The following MAN2A1 variants were observed in gnomAD, a reference collection of about 807,000 sequenced individuals.
MAN2A1 encodes alpha-mannosidase 2.
MAN2A1 carries 76 observed loss-of-function variants against 142.6 expected under a neutral mutation model. That is an observed-to-expected ratio of 0.53 (90% CI 0.44 to 0.65). The LOEUF (loss-of-function observed/expected upper bound fraction) is 0.65. Ranked by LOEUF, MAN2A1 falls within the 30% of genes least tolerant of loss-of-function variation. The pLI is 0.00. For synonymous variants in MAN2A1, 559 were observed against 473.2 expected (o/e 1.18, Z -2.35); for missense variants, 1,311 against 1,365.1 (o/e 0.96, Z 0.62).
intron 10 of MAN2A1, among the ~76,000 whole-genome samples, chr5:109,785,540 G>T (rs1753575029): frequency 6.6e-6 from 1 of 152,022 alleles, no homozygotes. Context: ...GGGAGTAGAA[G>T]CTAAGTTATT....
Position 109,846,732 on chromosome 5 carries a change from C to A in MAN2A1, c.2842+726C>A, listed in dbSNP as rs113466334. Among the ~76,000 whole-genome samples the A allele has an allele frequency of 6.7e-4, 102 of 152,248 alleles. 1 individual carries two copies. The highest frequency in any genetic ancestry group is 2.3e-3 in the African/African-American group (97 of 41,554). ...TTCCTGGTGTGTCCTTTGACACAAGCCCACTTTTTACATGAGGCGTATACA... is the reference window on the plus strand; with the variant it reads ...TTCCTGGTGTGTCCTTTGACACAAGACCACTTTTTACATGAGGCGTATACA... On this transcript the variant is annotated intron_variant, in intron 18 of 21. Transcript: ENST00000261483.
chr5:109,839,405 G>A (rs888872714), intron 16 of MAN2A1, among the ~76,000 whole-genome samples: 1 of 152,034 alleles, frequency 6.6e-6, no homozygotes, highest in Non-Finnish European at 1.5e-5. Context: ...AATAGTGGTG[G>A]AGATATTTGG....
rs771302522 is a variant in MAN2A1 at position 109,847,754 on chromosome 5, T to G, written c.2940T>G (p.Phe980Leu). 46 of 1,595,098 alleles carry G rather than the reference T, an allele frequency of 2.9e-5. No homozygotes were observed. The Middle Eastern group carries it at 1.2e-3, about 40-fold the overall frequency. The change falls in exon 19 of 22, where the codon TTT (phenylalanine) becomes TTG (leucine). Residue 980 changes from phenylalanine (F) to leucine (L), a missense_variant. Phe to Leu is a conservative substitution (Grantham distance 22). Coordinates refer to ENST00000261483, the MANE Select transcript of MAN2A1 (RefSeq NM_002372.4). The stretch of plus-strand genomic sequence containing the variant: ...ATAACAAGATTACAGCTAATCTATT[T>G]CGAATACTACTAGAAAAAAGAAGTG... ...IQDNKITANL[F>L]RILLEKRSAV...
intron 3 of MAN2A1, among the ~76,000 whole-genome samples, chr5:109,722,760 A>G (rs1751640955): frequency 6.6e-6 from 1 of 152,070 alleles, no homozygotes; most frequent in Non-Finnish European, 1.5e-5. Flanking sequence ...GACTTTGATA[A>G]TTTGCCCAGT....
chr5:109,823,630 AC>A (rs1397744613), intron 15 of MAN2A1, 92 bp from the exon 16 acceptor site: 1 of 675,840 alleles, frequency 1.5e-6, no homozygotes, highest in African/African-American at 1.8e-5. Flanking sequence ...ATCAGGTGAT[AC>A]GTATTTTCTA....
intron 16 of MAN2A1, among the ~76,000 whole-genome samples, chr5:109,833,486 G>A (rs1031280204): frequency 6.6e-5 from 10 of 152,124 alleles, no homozygotes; most frequent in African/African-American, 1.7e-4. Context: ...CGGCCAACAC[G>A]GCAAAACCCC....
intron 17 of MAN2A1, among the ~76,000 whole-genome samples, chr5:109,843,641 G>T (rs1261511202): frequency 1.3e-5 from 2 of 152,144 alleles, no homozygotes; most frequent in Admixed American, 1.3e-4. Context: ...ATATACATAG[G>T]TATATCTATT....
chr5:109,811,573 CGT>C (rs70999943), intron 12 of MAN2A1, among the ~76,000 whole-genome samples: 4,347 of 144,612 alleles, frequency 0.03, 76 homozygotes, highest in African/African-American at 0.05. Context: ...TCCTAACAGC[CGT>C]GTGTGTGTGT....
chr5:109,713,514 T>C lies in MAN2A1; in HGVS notation c.136-6T>C. 2 of 1,586,358 alleles carry C rather than the reference T, an allele frequency of 1.3e-6. No individual in the cohort carries two copies. The highest frequency in any genetic ancestry group is 1.7e-6 in the Non-Finnish European group (2 of 1,165,484). On this transcript the variant is annotated splice_region_variant and splice_polypyrimidine_tract_variant and intron_variant, in intron 1 of 21. Coordinates refer to ENST00000261483, the MANE Select transcript of MAN2A1 (RefSeq NM_002372.4). ...CATATAGCTGCCTTTTTCTTTTTTA[T>C]TGTAGGGCCAGCTCTCAATGTTGCA...
At chr5:109,772,556 C>T (rs1753177558) in intron 7 of MAN2A1, among the ~76,000 whole-genome samples, 1 of 152,130 alleles carries the variant, frequency 6.6e-6, no homozygotes. Context: ...GTCACCCAGG[C>T]TGAAGTACAA....
chr5:109,708,556 A>T (rs1330802603), intron 1 of MAN2A1, among the ~76,000 whole-genome samples: 2 of 141,074 alleles, frequency 1.4e-5, no homozygotes, highest in South Asian at 2.2e-4. Context: ...ATGAGAAGGG[A>T]GTTATTAGGA....
At chr5:109,698,842 G>A (rs1750890604) in intron 1 of MAN2A1, among the ~76,000 whole-genome samples, 1 of 152,048 alleles carries the variant, frequency 6.6e-6, no homozygotes, top group African/African-American at 2.4e-5. Context: ...GGTACACATT[G>A]ACAATAGAAT....
At chr5:109,736,073 A>G (rs1752088962) in intron 4 of MAN2A1, among the ~76,000 whole-genome samples, 1 of 152,080 alleles carries the variant, frequency 6.6e-6, no homozygotes, top group African/African-American at 2.4e-5. Context: ...CAGTTACTCA[A>G]GACAAACTAG....
At position 109,841,675 on chromosome 5, in the gene MAN2A1, TACATAACAAAGGACAAA is replaced by T. The variant is rs1378078999; in HGVS notation, c.2567-651_2567-635del. 2.6e-5 allele frequency among the ~76,000 whole-genome samples: 4 copies of T among 152,332 alleles called. No individual in the cohort carries two copies. In the East Asian group the frequency reaches 7.7e-4, roughly 29 times the overall value. On this transcript the variant is annotated intron_variant, in intron 16 of 21. Transcript: ENST00000261483. ...GACTTTTTAAAGCTGTCCTCTGTTT[TACATAACAAAGGACAAA>T]ATGGATCATTTCATAACAAGGAGTC...
chr5:109,836,445 G>A (rs544079991), intron 16 of MAN2A1, among the ~76,000 whole-genome samples: 1 of 152,266 alleles, frequency 6.6e-6, no homozygotes, highest in Admixed American at 6.5e-5. Flanking sequence ...CCCACACGAG[G>A]GAGCACGCTT....
At chr5:109,748,993 T>G (rs181871153) in intron 4 of MAN2A1, among the ~76,000 whole-genome samples, 46 of 152,014 alleles carry the variant, frequency 3.0e-4, no homozygotes, top group Non-Finnish European at 5.0e-4. Context: ...GTTGATTCAT[T>G]GGGAGCTTCT....
chr5:109,782,864 G>A (rs568158374), intron 9 of MAN2A1, among the ~76,000 whole-genome samples: 6 of 152,006 alleles, frequency 3.9e-5, no homozygotes, highest in South Asian at 2.1e-4. Flanking sequence ...TAATCAAATC[G>A]TAATTTGTAT....
At chr5:109,771,696 G>T (rs1391675318) in intron 7 of MAN2A1, among the ~76,000 whole-genome samples, 1 of 152,168 alleles carries the variant, frequency 6.6e-6, no homozygotes, top group Non-Finnish European at 1.5e-5. Flanking sequence ...GGTGGAAGGT[G>T]TAATAAAAAG....
intron 12 of MAN2A1, among the ~76,000 whole-genome samples, chr5:109,808,307 T>G (rs1335224332): frequency 2.0e-5 from 3 of 152,228 alleles, no homozygotes; most frequent in Non-Finnish European, 2.9e-5. Flanking sequence ...GAATAGTGTT[T>G]ACATCCAAAG....
Sources: allele counts gnomAD v4.1 joint callset (sites outside exome capture counted in the v4.1 genomes callset), GRCh38; gene constraint gnomAD v4.1.1; transcripts MANE v1.5; gene names NCBI Gene and HGNC (gene_info 2026-07-23, HGNC 2026-07-21).